Variants in SLC17A6 observed in about 807,000 individuals in gnomAD.
SLC17A6 encodes solute carrier family 17 member 6.
A neutral mutation model predicts 67.1 loss-of-function variants in SLC17A6; 35 were observed. The ratio of observed to expected loss-of-function variants is 0.52; its 90% CI spans 0.40 to 0.69. The LOEUF (loss-of-function observed/expected upper bound fraction) is 0.69. Among genes scored for constraint, SLC17A6 ranks in the 30% least tolerant of loss-of-function variants. The probability of loss-of-function intolerance (pLI) is 0.00; values close to 1 mark genes in which losing one functional copy is unlikely to be tolerated. For synonymous variants in SLC17A6, 285 were observed against 252.3 expected, an observed-to-expected ratio of 1.13 and a Z score of -1.23; for missense variants, 588 against 723.9, an observed-to-expected ratio of 0.81 and a Z score of 2.15.
At position 22,343,299 on chromosome 11, in the gene SLC17A6, TC is replaced by T; in HGVS notation, c.393del (p.Trp133GlyfsTer33). On this transcript the variant is annotated frameshift_variant, in exon 3 of 12. Transcript: ENST00000263160. LOFTEE classifies it high-confidence loss of function. ...PETVGMIHGS[F>X]FWGYIITQIP... ...ACCGTGGGGATGATCCACGGTTCCT[TC>T]TTTTGGGGCTACATCATCACTCAGA... The T allele has an allele frequency of 6.2e-7, 1 of 1,612,606 alleles. No homozygotes were observed. Among genetic ancestry groups the T allele is most frequent in the Non-Finnish European group, 8.5e-7 (1 of 1,179,640 alleles).
intron 1 of SLC17A6, among the ~76,000 whole-genome samples, chr11:22,340,380 T>C (rs1855801860): frequency 6.6e-6 from 1 of 152,278 alleles, no homozygotes; most frequent in South Asian, 2.1e-4. Flanking sequence ...GAATATGTTG[T>C]AGACTAGAAC....
chr11:22,342,728 G>A (rs1855831615), intron 2 of SLC17A6, among the ~76,000 whole-genome samples: 1 of 151,966 alleles, frequency 6.6e-6, no homozygotes, highest in Non-Finnish European at 1.5e-5. Flanking sequence ...GCCCATATCC[G>A]TCCCCATTTG....
chr11:22,346,752 C>T (rs1468971955), intron 3 of SLC17A6, among the ~76,000 whole-genome samples: 3 of 150,708 alleles, frequency 2.0e-5, no homozygotes, highest in Non-Finnish European at 3.0e-5. Flanking sequence ...TGGTTTTACC[C>T]TGTATTTAAA....
At chr11:22,367,060 A>G (rs1489653940) in intron 7 of SLC17A6, among the ~76,000 whole-genome samples, 1 of 151,612 alleles carries the variant, frequency 6.6e-6, no homozygotes, top group African/African-American at 2.4e-5. Context: ...GTGTATTTAG[A>G]CATATTGAGG....
intron 5 of SLC17A6, chr11:22,362,216 C>A: frequency 2.2e-6 from 1 of 462,126 alleles, no homozygotes; most frequent in African/African-American, 2.1e-5. Flanking sequence ...GATAACTTAC[C>A]TTGATGACAT....
chr11:22,359,378 T>C (rs377344815), intron 3 of SLC17A6, 35 bp from the exon 4 acceptor site: 13 of 1,329,012 alleles, frequency 9.8e-6, no homozygotes, highest in Non-Finnish European at 1.3e-5. Flanking sequence ...AGATGCTGAA[T>C]CATTTAAACA....
chr11:22,360,537 C>CAA (rs138019567), intron 4 of SLC17A6, among the ~76,000 whole-genome samples: 11 of 126,850 alleles, frequency 8.7e-5, no homozygotes, highest in African/African-American at 2.4e-4. Flanking sequence ...CCCCCCCCCC[C>CAA]AAAAAAAAGA....
Position 22,376,001 on chromosome 11 carries a change from A to C in SLC17A6, c.1194A>C (p.Thr398=). The C allele has an allele frequency of 6.2e-7, 1 of 1,607,090 alleles. No individual in the cohort carries two copies. The highest frequency in any genetic ancestry group is 2.2e-5 in the East Asian group (1 of 44,758). ...MNCGGFGMEA[T]LLLVVGYSHT... is the part of the protein sequence containing the mutation. ...CTGAAGGTTTTGGCATGGAAGCCAC[A>C]CTGCTCCTGGTCGTTGGCTATTCTC... is the stretch of plus-strand genomic sequence containing the variant. Residue 398 remains threonine, a synonymous_variant, in exon 10 of 12, where the codon ACA becomes ACC. Coordinates refer to ENST00000263160, the MANE Select transcript of SLC17A6 (RefSeq NM_020346.3).
At position 22,366,120 on chromosome 11, in the gene SLC17A6, C is replaced by T. The variant is rs76034012; in HGVS notation, c.891+431C>T. Among the ~76,000 whole-genome samples, 7 of 152,090 alleles carry T rather than the reference C, an allele frequency of 4.6e-5. No homozygotes were observed. The South Asian group carries it at 6.2e-4, about 14-fold the overall frequency. ...ATTCCAAGACCCCCCGGGTTGCTAC[C>T]GAACCCTACATATAATGTTTTTCCT... On this transcript the variant is annotated intron_variant, in intron 7 of 11. Transcript: ENST00000263160.
intron 3 of SLC17A6, among the ~76,000 whole-genome samples, chr11:22,354,021 G>T (rs1405049448): frequency 6.6e-6 from 1 of 152,066 alleles, no homozygotes; most frequent in East Asian, 1.9e-4. Context: ...TTTTAACAAG[G>T]CCTAGGTTTA....
intron 2 of SLC17A6, among the ~76,000 whole-genome samples, chr11:22,342,083 T>C (rs1037802579): frequency 3.3e-5 from 5 of 152,248 alleles, no homozygotes; most frequent in Non-Finnish European, 5.9e-5. Context: ...TAAGTCTAAA[T>C]AGAAGTGTGT....
intron 1 of SLC17A6, among the ~76,000 whole-genome samples, chr11:22,340,227 C>A (rs925900669): frequency 1.3e-5 from 2 of 152,120 alleles, no homozygotes; most frequent in Admixed American, 1.3e-4. Context: ...AGCAATTACA[C>A]GGTAGATTGG....
chr11:22,339,151 A>AT (rs57725309), intron 1 of SLC17A6, among the ~76,000 whole-genome samples: 9,057 of 29,718 alleles, frequency 0.3, 1,677 homozygotes, highest in South Asian at 0.37. Flanking sequence ...TGTTATATAT[A>AT]GTTATATATA....
At position 22,339,163 on chromosome 11, in the gene SLC17A6, ATGT is replaced by A. The variant is rs1400632912; in HGVS notation, c.86+546_86+548del. ...ATATGTTATATATAGTTATATATAT[ATGT>A]TATATATATATGTTTTATATATATA... On this transcript the variant is annotated intron_variant, in intron 1 of 11. Transcript: ENST00000263160. Among the ~76,000 whole-genome samples, 5 of 56,434 alleles carry A rather than the reference ATGT, an allele frequency of 8.9e-5. 2 individuals are homozygous for A. The highest frequency in any genetic ancestry group is 1.6e-3 in the East Asian group (2 of 1,272). The allele number at this position is 56,434 out of a possible 152,430, so 37.0% of individuals were successfully genotyped here.
chr11:22,348,541 C>T lies in SLC17A6; in HGVS notation c.458+5176C>T, dbSNP rs77684412. Among the ~76,000 whole-genome samples the T allele has an allele frequency of 1.4e-3, 208 of 152,256 alleles. 1 individual carries two copies. The highest frequency in any genetic ancestry group is 4.9e-3 in the African/African-American group (205 of 41,534). The stretch of plus-strand genomic sequence containing the variant: ...GTAACAGAGAACATGGTATTTATAA[C>T]TTTTTCTGCCACGCAGACACCTTGT... On this transcript the variant is annotated intron_variant, in intron 3 of 11. Transcript: ENST00000263160.
chr11:22,343,391 TC>T, intron 3 of SLC17A6, 26 bp downstream of exon 3: 1 of 1,573,956 alleles, frequency 6.4e-7, no homozygotes, highest in Non-Finnish European at 8.7e-7. Flanking sequence ...GGACTGGGGC[TC>T]GGGGCGTGGT....
At chr11:22,375,053 C>G (rs1856217568) in intron 9 of SLC17A6, among the ~76,000 whole-genome samples, 166 bp downstream of exon 9, 1 of 152,240 alleles carries the variant, frequency 6.6e-6, no homozygotes, top group African/African-American at 2.4e-5. Flanking sequence ...TTTTTCATAA[C>G]TCCTAGTTTT....
Position 22,341,568 on chromosome 11 carries a change from C to A in SLC17A6, c.127C>A (p.Leu43Met), listed in dbSNP as rs772911496. 1.2e-5 allele frequency: 19 copies of A among 1,613,906 alleles called. No individual in the cohort carries two copies. The highest frequency in any genetic ancestry group is 1.6e-4 in the Middle Eastern group (1 of 6,082). Residue 43 changes from leucine (L) to methionine (M), a missense_variant, in exon 2 of 12, where the codon CTG (leucine) becomes ATG (methionine). This residue lies in a region of SLC17A6 where 117 missense variants were observed against 98.7 expected (regional missense o/e 1.19). Coordinates refer to ENST00000263160, the MANE Select transcript of SLC17A6 (RefSeq NM_020346.3). Reference protein sequence around the residue: ...KKQDTGETIELTEDGKPLEVP... With the variant: ...KKQDTGETIEMTEDGKPLEVP... ...GCAAGACACCGGGGAGACAATCGAG[C>A]TGACGGAGGATGGGAAGCCCCTAGA...
chr11:22,354,290 G>A (rs1217358218), intron 3 of SLC17A6, among the ~76,000 whole-genome samples: 1 of 152,004 alleles, frequency 6.6e-6, no homozygotes, highest in Non-Finnish European at 1.5e-5. Context: ...CACCATGTTG[G>A]TCGGGCTGGT....
Sources: allele counts gnomAD v4.1 joint callset (sites outside exome capture counted in the v4.1 genomes callset), GRCh38; gene constraint gnomAD v4.1.1; regional missense constraint gnomAD v4.1.1; transcripts MANE v1.5; gene names NCBI Gene and HGNC (gene_info 2026-07-23, HGNC 2026-07-21).